MGMT: variants seen among roughly 807,000 people sequenced by gnomAD.
The protein encoded by MGMT is O-6-methylguanine-DNA methyltransferase.
In MGMT, 14 loss-of-function variants were observed where a neutral mutation model predicts 15.9. The observed-to-expected ratio is 0.88, with a 90% CI of 0.58 to 1.37. The LOEUF (loss-of-function observed/expected upper bound fraction) is 1.37, where lower values mean the gene tolerates loss of function less well. Among genes scored for constraint, MGMT ranks in the 40% most tolerant of loss-of-function variants. MGMT has a pLI of 0.00. For missense variants in MGMT, 282 were observed against 268.1 expected (o/e 1.05, Z -0.36); for synonymous variants, 130 against 118.2 (o/e 1.10, Z -0.65).
intron 1 of MGMT, among the ~76,000 whole-genome samples, chr10:129,483,931 C>G (rs1256731868): frequency 6.6e-6 from 1 of 151,932 alleles, no homozygotes; most frequent in East Asian, 1.9e-4. Flanking sequence ...GGATGTGACC[C>G]AAGTTTAAAC....
At chr10:129,555,715 TA>T (rs71478941) in intron 2 of MGMT, among the ~76,000 whole-genome samples, 7 of 148,428 alleles carry the variant, frequency 4.7e-5, no homozygotes, top group Non-Finnish European at 7.5e-5. Context: ...ACCCTGTCTC[TA>T]AAAAAAAAAT....
At chr10:129,629,064 C>T (rs1046992547) in intron 2 of MGMT, among the ~76,000 whole-genome samples, 2 of 152,226 alleles carry the variant, frequency 1.3e-5, no homozygotes, top group African/African-American at 4.8e-5. Flanking sequence ...CTGCATGCAG[C>T]CTTCCCAGCT....
In MGMT at chr10:129,599,834, A is replaced by G. The variant is rs1486164984; in HGVS notation, c.125+63457A>G. Among the ~76,000 whole-genome samples the G allele has an allele frequency of 3.3e-5, 5 of 152,276 alleles. No individual in the cohort carries two copies. The Middle Eastern group carries it at 0.017, about 518-fold the overall frequency. ...CCCATTTTACCATCCTTTCTTCACCAGGGAGATAGAGTGACAGAGCAACTT... is the reference window on the plus strand; with the variant it reads ...CCCATTTTACCATCCTTTCTTCACCGGGGAGATAGAGTGACAGAGCAACTT... On this transcript the variant is annotated intron_variant, in intron 2 of 4. Transcript: ENST00000651593.
chr10:129,553,108 C>T (rs1022114497), intron 2 of MGMT, among the ~76,000 whole-genome samples: 1 of 152,104 alleles, frequency 6.6e-6, no homozygotes, highest in East Asian at 1.9e-4. Flanking sequence ...TTAATTTCTG[C>T]GATAGGGTTC....
chr10:129,616,179 T>C (rs1042258600), intron 2 of MGMT, among the ~76,000 whole-genome samples: 2 of 152,144 alleles, frequency 1.3e-5, no homozygotes, highest in Non-Finnish European at 2.9e-5. Context: ...GGAGCGGCGA[T>C]TGGATTGGAG....
chr10:129,731,390 T>A (rs948173014), intron 3 of MGMT, among the ~76,000 whole-genome samples: 4 of 129,354 alleles, frequency 3.1e-5, no homozygotes, highest in African/African-American at 9.1e-5. Context: ...TGCGACGGAG[T>A]CTCGCTCTGT....
chr10:129,529,585 T>A (rs1029273625), intron 1 of MGMT, among the ~76,000 whole-genome samples: 15 of 152,224 alleles, frequency 9.9e-5, no homozygotes, highest in African/African-American at 3.1e-4. Flanking sequence ...CAGGAAGTGT[T>A]TTCTCATCGT....
chr10:129,638,140 G>T (rs1847282844), intron 2 of MGMT, among the ~76,000 whole-genome samples: 1 of 152,134 alleles, frequency 6.6e-6, no homozygotes, highest in Non-Finnish European at 1.5e-5. Context: ...AAGGAGACAT[G>T]TGACATGTTT....
At chr10:129,623,940 G>T (rs1168222663) in intron 2 of MGMT, among the ~76,000 whole-genome samples, 1 of 152,220 alleles carries the variant, frequency 6.6e-6, no homozygotes, top group African/African-American at 2.4e-5. Context: ...CTCAGCCAAG[G>T]CGATTGCCTG....
intron 1 of MGMT, among the ~76,000 whole-genome samples, chr10:129,479,302 A>G (rs1323693221): frequency 2.6e-5 from 4 of 152,190 alleles, no homozygotes; most frequent in Non-Finnish European, 5.9e-5. Context: ...ATATTTTACA[A>G]GTATGCGTTG....
intron 2 of MGMT, among the ~76,000 whole-genome samples, chr10:129,613,746 C>T (rs1846988983): frequency 6.6e-6 from 1 of 152,178 alleles, no homozygotes; most frequent in Admixed American, 6.5e-5. Flanking sequence ...GGGTCCTGTC[C>T]CTCTGTGCCT....
At chr10:129,518,335 CAT>C (rs1564840288) in intron 1 of MGMT, among the ~76,000 whole-genome samples, 5 of 92,480 alleles carry the variant, frequency 5.4e-5, no homozygotes, top group African/African-American at 2.0e-4. Flanking sequence ...GATACACACA[CAT>C]ACACACACAC....
chr10:129,568,531 A>T (rs1243866919), intron 2 of MGMT, among the ~76,000 whole-genome samples: 1 of 151,622 alleles, frequency 6.6e-6, no homozygotes, highest in Admixed American at 6.6e-5. Context: ...TAGGATAGTT[A>T]AAAAAAACAC....
chr10:129,643,873 C>A (rs1297372687), intron 2 of MGMT, among the ~76,000 whole-genome samples: 1 of 152,134 alleles, frequency 6.6e-6, no homozygotes, highest in Non-Finnish European at 1.5e-5. Flanking sequence ...CAAATCTTGA[C>A]CTTTCATGGA....
intron 2 of MGMT, among the ~76,000 whole-genome samples, chr10:129,657,579 G>C (rs1359473086): frequency 6.6e-6 from 1 of 151,428 alleles, no homozygotes; most frequent in Non-Finnish European, 1.5e-5. Flanking sequence ...GAGGGATGGG[G>C]TGAGTTTTAA....
intron 2 of MGMT, among the ~76,000 whole-genome samples, chr10:129,606,201 A>G (rs1846888074): frequency 6.6e-6 from 1 of 152,242 alleles, no homozygotes; most frequent in Non-Finnish European, 1.5e-5. Context: ...TTGAGACAAT[A>G]ATGCCGAAAC....
intron 3 of MGMT, among the ~76,000 whole-genome samples, chr10:129,711,561 T>A (rs1416305249): frequency 6.6e-6 from 1 of 152,242 alleles, no homozygotes; most frequent in African/African-American, 2.4e-5. Context: ...CAGTGAAGCA[T>A]ATTCTAATTT....
At chr10:129,578,350 G>A (rs898395309) in intron 2 of MGMT, among the ~76,000 whole-genome samples, 1 of 152,154 alleles carries the variant, frequency 6.6e-6, no homozygotes, top group African/African-American at 2.4e-5. Flanking sequence ...ATACTATGCA[G>A]CCATAAAAAA....
intron 2 of MGMT, among the ~76,000 whole-genome samples, chr10:129,693,502 G>A (rs1351151655): frequency 1.3e-5 from 2 of 152,274 alleles, no homozygotes; most frequent in Non-Finnish European, 2.9e-5. Flanking sequence ...CTTGGGCTGC[G>A]GCAGGGTTTG....
Sources: gnomAD v4.1 joint callset for allele counts (sites outside exome capture counted in the v4.1 genomes callset) on GRCh38, gnomAD v4.1.1 for gene constraint, MANE v1.5 for transcripts, NCBI Gene and HGNC (gene_info 2026-07-23, HGNC 2026-07-21) for gene names.